The following CDH12 variants were observed in gnomAD, a reference collection of about 807,000 sequenced individuals.
CDH12 encodes the protein cadherin-12.
A neutral mutation model predicts 74.1 loss-of-function variants in CDH12; 41 were observed. That is an observed-to-expected ratio of 0.55 (90% CI 0.43 to 0.72). The LOEUF (loss-of-function observed/expected upper bound fraction) is 0.72. Among genes scored for constraint, CDH12 ranks in the 30% least tolerant of loss-of-function variants. CDH12 has a pLI of 0.00. For missense variants in CDH12, 945 were observed against 977.2 expected (o/e 0.97, Z 0.44); for synonymous variants, 399 against 355.0 (o/e 1.12, Z -1.39).
intron 1 of CDH12, among the ~76,000 whole-genome samples, chr5:22,670,726 A>C (rs2126912974): frequency 6.6e-6 from 1 of 152,126 alleles, no homozygotes; most frequent in Admixed American, 6.6e-5. Context: ...GTTTTTATAT[A>C]TTTTAAAAAT....
At chr5:22,537,790 C>T (rs1041160770) in intron 1 of CDH12, among the ~76,000 whole-genome samples, 10 of 152,278 alleles carry the variant, frequency 6.6e-5, no homozygotes, top group Admixed American at 2.0e-4. Flanking sequence ...CCAAAATAAA[C>T]TTGTCTGTGA....
intron 1 of CDH12, among the ~76,000 whole-genome samples, chr5:22,841,373 T>G (rs1737072889): frequency 6.6e-6 from 1 of 152,192 alleles, no homozygotes; most frequent in African/African-American, 2.4e-5. Context: ...ACCGACATCG[T>G]GAAATCTGAG....
chr5:22,715,779 C>T (rs959123986), intron 1 of CDH12, among the ~76,000 whole-genome samples: 15 of 146,012 alleles, frequency 1.0e-4, no homozygotes, highest in African/African-American at 3.8e-4. Flanking sequence ...CCAGCCTGAG[C>T]TACAGAGTGA....
chr5:21,825,399 T>C (rs1398678449), intron 8 of CDH12, among the ~76,000 whole-genome samples: 1 of 152,144 alleles, frequency 6.6e-6, no homozygotes, highest in Admixed American at 6.5e-5. Context: ...CTCCAACAAT[T>C]TGTACACATT....
intron 1 of CDH12, among the ~76,000 whole-genome samples, chr5:22,515,990 C>T (rs1736793026): frequency 6.6e-6 from 1 of 151,780 alleles, no homozygotes; most frequent in Non-Finnish European, 1.5e-5. Flanking sequence ...AAAAAATAAC[C>T]TTATAAAAAT....
At chr5:22,127,530 A>C (rs1446989101) in intron 4 of CDH12, among the ~76,000 whole-genome samples, 3 of 151,550 alleles carry the variant, frequency 2.0e-5, no homozygotes, top group Admixed American at 2.0e-4. Context: ...TTAAATGGTA[A>C]GGAAAGAATA....
intron 2 of CDH12, among the ~76,000 whole-genome samples, chr5:22,437,129 A>T (rs1443020596): frequency 1.3e-5 from 2 of 152,052 alleles, no homozygotes; most frequent in Non-Finnish European, 2.9e-5. Context: ...CCATGTAATA[A>T]ATGTTTAACG....
intron 4 of CDH12, among the ~76,000 whole-genome samples, chr5:22,201,202 T>C (rs375859211): frequency 6.6e-6 from 1 of 152,174 alleles, no homozygotes; most frequent in East Asian, 1.9e-4. Context: ...TTGAAATGGA[T>C]GCAGCCATAT....
At chr5:22,291,819 C>T (rs1293999416) in intron 3 of CDH12, among the ~76,000 whole-genome samples, 1 of 151,958 alleles carries the variant, frequency 6.6e-6, no homozygotes, top group Non-Finnish European at 1.5e-5. Flanking sequence ...ATTAAAATAC[C>T]AATGATATTC....
At chr5:22,459,423 T>C (rs1745413180) in intron 2 of CDH12, among the ~76,000 whole-genome samples, 2 of 152,086 alleles carry the variant, frequency 1.3e-5, no homozygotes, top group African/African-American at 2.4e-5. Flanking sequence ...AATCAAATAA[T>C]AAACAAAAAA....
chr5:22,521,094 A>G (rs1366464334), intron 1 of CDH12, among the ~76,000 whole-genome samples: 3 of 151,716 alleles, frequency 2.0e-5, no homozygotes, highest in African/African-American at 7.3e-5. Flanking sequence ...TATCTCTTAC[A>G]TGTTTCTGGT....
intron 1 of CDH12, among the ~76,000 whole-genome samples, chr5:22,581,594 G>GC (rs1204659121): frequency 6.6e-6 from 1 of 152,172 alleles, no homozygotes; most frequent in African/African-American, 2.4e-5. Context: ...TGGGGTCAGG[G>GC]CCCCACACAG....
intron 1 of CDH12, among the ~76,000 whole-genome samples, chr5:22,845,762 G>A (rs1052193357): frequency 5.3e-5 from 8 of 152,126 alleles, no homozygotes; most frequent in African/African-American, 1.9e-4. Flanking sequence ...GACGTAATGA[G>A]AAAGGAAATG....
intron 6 of CDH12, among the ~76,000 whole-genome samples, chr5:21,906,349 T>C (rs2150059028): frequency 6.6e-6 from 1 of 152,320 alleles, no homozygotes; most frequent in Middle Eastern, 3.4e-3. Context: ...ATGTTCTAGA[T>C]CTGATATACT....
In CDH12 at chr5:21,891,946, T is replaced by C. The variant is rs74738787; in HGVS notation, c.527-37156A>G. Among the ~76,000 whole-genome samples, 1,351 of 152,248 alleles carry C rather than the reference T, an allele frequency of 8.9e-3. 20 individuals carry two copies. Among genetic ancestry groups the C allele is most frequent in the African/African-American group, 0.031 (1,283 of 41,560 alleles). ...GGAAAGGCTCCAAATCTATGCTTAA[T>C]TGATGGCTACCAATTTGAGTTCTCC... On this transcript the variant is annotated intron_variant, in intron 6 of 14. Transcript: ENST00000382254.
At chr5:22,476,354 G>T (rs994377986) in intron 2 of CDH12, among the ~76,000 whole-genome samples, 4 of 151,690 alleles carry the variant, frequency 2.6e-5, no homozygotes, top group Admixed American at 1.3e-4. Flanking sequence ...TTTATTGAAT[G>T]GTACACATCA....
At chr5:22,009,006 G>A (rs146819504) in intron 5 of CDH12, among the ~76,000 whole-genome samples, 12,416 of 152,246 alleles carry the variant, frequency 0.082, 671 homozygotes, top group South Asian at 0.14. Context: ...GCTAATCTAA[G>A]CTCTACCTGG....
chr5:22,562,937 T>C (rs1002579889), intron 1 of CDH12, among the ~76,000 whole-genome samples: 6 of 147,934 alleles, frequency 4.1e-5, no homozygotes, highest in African/African-American at 1.5e-4. Context: ...TAAATTTATA[T>C]TTTTAAATAT....
intron 5 of CDH12, among the ~76,000 whole-genome samples, chr5:22,039,294 C>A (rs561346691): frequency 2.6e-5 from 4 of 152,008 alleles, no homozygotes; most frequent in African/African-American, 9.7e-5. Context: ...GGCCCTGGTA[C>A]CCAGGGGCAA....
Sources: allele counts gnomAD v4.1 joint callset (sites outside exome capture counted in the v4.1 genomes callset), GRCh38; gene constraint gnomAD v4.1.1; transcripts MANE v1.5; gene names NCBI Gene and HGNC (gene_info 2026-07-23, HGNC 2026-07-21).